The following AFDN variants were observed in gnomAD, a reference collection of about 807,000 sequenced individuals.
AFDN encodes afadin, adherens junction formation factor, also known as afadin.
A neutral mutation model predicts 216.6 loss-of-function variants in AFDN; 68 were observed. The observed-to-expected ratio is 0.31, with a 90% confidence interval of 0.26 to 0.38. The LOEUF is 0.38. Among genes scored for constraint, AFDN ranks in the 10% least tolerant of loss-of-function variants. The pLI, the probability that AFDN is intolerant of heterozygous loss-of-function variation, is 1.00. For missense variants in AFDN, 2,136 were observed against 2,342.0 expected (o/e 0.91, Z 1.82); for synonymous variants, 868 against 853.7 (o/e 1.02, Z -0.29).
chr6:167,831,431 A>T (rs1046962154), intron 1 of AFDN, among the ~76,000 whole-genome samples: 1 of 152,162 alleles, frequency 6.6e-6, no homozygotes, highest in Non-Finnish European at 1.5e-5. Context: ...ATAACTGGTT[A>T]CGTTTTATGT....
intron 1 of AFDN, among the ~76,000 whole-genome samples, chr6:167,837,726 A>G (rs1780603654): frequency 6.6e-6 from 1 of 152,212 alleles, no homozygotes; most frequent in South Asian, 2.1e-4. Flanking sequence ...GCTTCAGGGT[A>G]TGCAAAACTA....
chr6:167,948,573 G>A, intron 29 of AFDN, 95 bp downstream of exon 29: 1 of 1,214,776 alleles, frequency 8.2e-7, no homozygotes, highest in Non-Finnish European at 1.1e-6. Context: ...GAACAGCATT[G>A]TTGGCCTTTT....
At chr6:167,874,977 T>C (rs1785189159) in intron 4 of AFDN, among the ~76,000 whole-genome samples, 1 of 152,204 alleles carries the variant, frequency 6.6e-6, no homozygotes, top group African/African-American at 2.4e-5. Flanking sequence ...TATATTTCTT[T>C]CTTGTGGTTG....
At chr6:167,931,074 G>A (rs182934656) in intron 23 of AFDN, among the ~76,000 whole-genome samples, 3 of 152,276 alleles carry the variant, frequency 2.0e-5, no homozygotes, top group Non-Finnish European at 4.4e-5. Flanking sequence ...CAGACACCCC[G>A]TGAAGGCGGG....
At chr6:167,833,087 C>G (rs1019223209) in intron 1 of AFDN, among the ~76,000 whole-genome samples, 1 of 152,128 alleles carries the variant, frequency 6.6e-6, no homozygotes, top group African/African-American at 2.4e-5. Flanking sequence ...TTTATTAGTG[C>G]CTGACTGACC....
chr6:167,870,953 C>G (rs979243930), intron 3 of AFDN, among the ~76,000 whole-genome samples: 6 of 152,118 alleles, frequency 3.9e-5, no homozygotes, highest in Admixed American at 3.9e-4. Context: ...TAGAGTGATT[C>G]TACAACTTCC....
intron 14 of AFDN, 55 bp from the exon 15 acceptor site, chr6:167,911,229 A>ACATT: frequency 6.2e-7 from 1 of 1,602,828 alleles, no homozygotes; most frequent in Non-Finnish European, 8.5e-7. Flanking sequence ...TCTGATTTTC[A>ACATT]CATTCGTTTT....
chr6:167,923,620 C>CTTTTT (rs35743665), intron 22 of AFDN, among the ~76,000 whole-genome samples: 12 of 111,966 alleles, frequency 1.1e-4, no homozygotes, highest in East Asian at 2.8e-4. Context: ...TACCCTAATA[C>CTTTTT]TTTTTTTTTT....
chr6:167,850,756 G>C (rs1213508493), intron 1 of AFDN, among the ~76,000 whole-genome samples: 3 of 152,040 alleles, frequency 2.0e-5, no homozygotes, highest in African/African-American at 4.8e-5. Flanking sequence ...TTAAGAACAT[G>C]GTTATTTTCT....
intron 4 of AFDN, among the ~76,000 whole-genome samples, chr6:167,872,662 T>C (rs914244625): frequency 6.6e-6 from 1 of 152,224 alleles, no homozygotes; most frequent in Non-Finnish European, 1.5e-5. Context: ...TTATTATTTT[T>C]CTTTTTCATC....
chr6:167,903,329 G>T (rs950171704), intron 12 of AFDN, among the ~76,000 whole-genome samples: 21 of 152,186 alleles, frequency 1.4e-4, no homozygotes, highest in African/African-American at 4.8e-4. Flanking sequence ...GGTAGCCAGT[G>T]GCTGGAGTGC....
At chr6:167,919,984 A>G (rs1211389450) in intron 21 of AFDN, among the ~76,000 whole-genome samples, 2 of 152,210 alleles carry the variant, frequency 1.3e-5, no homozygotes, top group African/African-American at 4.8e-5. Context: ...GATATCTTCA[A>G]AGTTTCTGAT....
At chr6:167,846,692 A>G (rs1180615663) in intron 1 of AFDN, among the ~76,000 whole-genome samples, 1 of 146,480 alleles carries the variant, frequency 6.8e-6, no homozygotes, top group African/African-American at 2.5e-5. Context: ...AAAGTATAAT[A>G]TTTAAAAAAA....
At position 167,967,568 on chromosome 6, in the gene AFDN, TA is replaced by T. The variant is rs528748561; in HGVS notation, c.5257+1524del. Among the ~76,000 whole-genome samples the T allele has an allele frequency of 3.5e-3, 527 of 152,300 alleles. 3 individuals carry two copies. The highest frequency in any genetic ancestry group is 4.7e-3 in the Non-Finnish European group (317 of 68,040). On this transcript the variant is annotated intron_variant, in intron 32 of 33. Coordinates refer to ENST00000683244, the MANE Select transcript of AFDN (RefSeq NM_001386888.1). ...TGAATTTTATAAGCTGAACCTAAGA[TA>T]TTTTTTTATGTGTCATGACAGAAAT...
At chr6:167,871,805 C>CT (rs773971497) in intron 3 of AFDN, among the ~76,000 whole-genome samples, 1 of 152,128 alleles carries the variant, frequency 6.6e-6, no homozygotes, top group Non-Finnish European at 1.5e-5. Context: ...ATTATTCACT[C>CT]TTTGTTTTTA....
chr6:167,852,492 T>G (rs990950840), intron 1 of AFDN, among the ~76,000 whole-genome samples: 3 of 152,186 alleles, frequency 2.0e-5, no homozygotes, highest in African/African-American at 7.2e-5. Flanking sequence ...GCTGTGTATT[T>G]CATATTGAAT....
At chr6:167,839,559 C>G (rs1050195775) in intron 1 of AFDN, among the ~76,000 whole-genome samples, 1 of 152,118 alleles carries the variant, frequency 6.6e-6, no homozygotes, top group Non-Finnish European at 1.5e-5. Flanking sequence ...GAACAATTAC[C>G]TAATGAGCTT....
chr6:167,964,019 G>A (rs1797289691), intron 31 of AFDN: 1 of 1,064,378 alleles, frequency 9.4e-7, no homozygotes, highest in African/African-American at 1.6e-5. Flanking sequence ...GGGGCAGCTG[G>A]GTTGTCACGG....
rs1562717061 is a variant in AFDN at position 167,943,544 on chromosome 6, A to G, written c.3239+69A>G. 11 of 1,267,064 alleles carry G rather than the reference A, an allele frequency of 8.7e-6. No homozygotes were observed. In the East Asian group the frequency reaches 2.5e-4, roughly 29 times the overall value. The allele number at this position is 1,267,064 out of a possible 1,614,324, so 78.5% of individuals were successfully genotyped here. ...AGGTGATTTTTGCATTAAATGTTGA[A>G]ATTGGAAGATAAAAACTATGCTAAA... On this transcript the variant is annotated intron_variant, in intron 25 of 33. Transcript: ENST00000683244.
Sources: gnomAD v4.1 joint callset for allele counts (sites outside exome capture counted in the v4.1 genomes callset) on GRCh38, gnomAD v4.1.1 for gene constraint, MANE v1.5 for transcripts, NCBI Gene and HGNC (gene_info 2026-07-23, HGNC 2026-07-21) for gene names.